ARID5B: variants seen among roughly 807,000 people sequenced by gnomAD.
ARID5B encodes AT-rich interaction domain 5B.
ARID5B carries 13 observed loss-of-function variants against 97.2 expected under a neutral mutation model. The observed-to-expected ratio is 0.13, with a 90% CI of 0.09 to 0.21. The LOEUF (loss-of-function observed/expected upper bound fraction) is 0.21, where lower values mean the gene tolerates loss of function less well. Ranked by LOEUF, ARID5B falls within the 10% of genes least tolerant of loss-of-function variation. The pLI is 1.00. For synonymous variants in ARID5B, 556 were observed against 570.3 expected, an observed-to-expected ratio of 0.97 and a Z score of 0.36; for missense variants, 1,210 against 1,465.3, an observed-to-expected ratio of 0.83 and a Z score of 2.84.
intron 8 of ARID5B, among the ~76,000 whole-genome samples, chr10:62,073,887 T>G (rs1840096057): frequency 6.6e-6 from 1 of 152,212 alleles, no homozygotes; most frequent in South Asian, 2.1e-4. Context: ...AGTGGAACAT[T>G]TTCTTTCTTG....
chr10:61,923,681 T>A (rs771041369), intron 2 of ARID5B, among the ~76,000 whole-genome samples: 3 of 152,202 alleles, frequency 2.0e-5, no homozygotes, highest in Non-Finnish European at 4.4e-5. Flanking sequence ...TCAGAATAGA[T>A]GCTTGCAACA....
At chr10:62,049,677 C>G (rs1485176641) in intron 4 of ARID5B, among the ~76,000 whole-genome samples, 1 of 152,070 alleles carries the variant, frequency 6.6e-6, no homozygotes, top group Admixed American at 6.5e-5. Flanking sequence ...AAAGGCAGTT[C>G]TGCTTTACTG....
At chr10:61,906,353 A>G (rs1413891717) in intron 2 of ARID5B, among the ~76,000 whole-genome samples, 1 of 152,238 alleles carries the variant, frequency 6.6e-6, no homozygotes, top group East Asian at 1.9e-4. Context: ...GAATTGCCAC[A>G]TTCAGCCACT....
Position 61,940,271 on chromosome 10 carries a change from G to T in ARID5B, c.365G>T (p.Cys122Phe). Reference sequence around the variant, plus strand: ...CATTCTGATTTCTCCAAGTGGAGATGTGGCTTCCACGCTGGACCAGTGAAA... The same window carrying T: ...CATTCTGATTTCTCCAAGTGGAGATTTGGCTTCCACGCTGGACCAGTGAAA... ...WVHSDFSKWR[C>F]GFHAGPVKTE... Residue 122 changes from cysteine to phenylalanine, a missense_variant, in exon 3 of 10, where the codon TGT (cysteine) becomes TTT (phenylalanine). Physicochemically the swap from Cys to Phe is radical, Grantham distance 205. Transcript: ENST00000279873. 6.2e-7 allele frequency: 1 copy of T among 1,614,220 alleles called. No individual in the cohort carries two copies. The highest frequency in any genetic ancestry group is 8.5e-7 in the Non-Finnish European group (1 of 1,180,020).
At position 62,091,354 on chromosome 10, in the gene ARID5B, G is replaced by A; in HGVS notation, c.1891G>A (p.Asp631Asn). The A allele has an allele frequency of 2.5e-6, 4 of 1,614,156 alleles. No individual in the cohort carries two copies. The highest frequency in any genetic ancestry group is 3.4e-6 in the Non-Finnish European group (4 of 1,180,040). ...CATTGCCAACTGCACCGTGAAGGTG[G>A]ACCAGCTGGGCAGTGACGACATCCA... ...DYIANCTVKV[D>N]QLGSDDIHNA... The change falls in exon 10 of 10, where the codon GAC becomes AAC. Residue 631 changes from aspartate to asparagine, a missense_variant. This residue lies in a region of ARID5B where 800 missense variants were observed against 839.1 expected (regional missense o/e 0.95). Transcript: ENST00000279873.
At chr10:62,038,374 A>T (rs1446356494) in intron 4 of ARID5B, among the ~76,000 whole-genome samples, 40 of 151,774 alleles carry the variant, frequency 2.6e-4, no homozygotes, top group Non-Finnish European at 1.8e-4. Flanking sequence ...CTTATTTAAA[A>T]AAAAAAAAAG....
At chr10:61,949,644 C>T (rs1229168084) in intron 3 of ARID5B, among the ~76,000 whole-genome samples, 1 of 151,954 alleles carries the variant, frequency 6.6e-6, no homozygotes, top group East Asian at 1.9e-4. Flanking sequence ...TCCACACCAC[C>T]CCCCCACGCC....
At chr10:62,021,654 G>A (rs1232622806) in intron 4 of ARID5B, among the ~76,000 whole-genome samples, 2 of 152,198 alleles carry the variant, frequency 1.3e-5, no homozygotes, top group Non-Finnish European at 2.9e-5. Context: ...CCTTTCTGGG[G>A]TGTAATGTGG....
At chr10:61,928,981 G>A (rs759896733) in intron 2 of ARID5B, among the ~76,000 whole-genome samples, 2 of 152,122 alleles carry the variant, frequency 1.3e-5, no homozygotes, top group African/African-American at 2.4e-5. Context: ...CCCAGGCTTC[G>A]AGGTGGTACA....
At chr10:62,074,233 T>C (rs533532276) in intron 8 of ARID5B, among the ~76,000 whole-genome samples, 3 of 152,248 alleles carry the variant, frequency 2.0e-5, no homozygotes, top group South Asian at 4.1e-4. Context: ...CATTTTTGAG[T>C]ATTTAGAAAA....
At chr10:62,048,285 A>C (rs897230413) in intron 4 of ARID5B, among the ~76,000 whole-genome samples, 1 of 152,232 alleles carries the variant, frequency 6.6e-6, no homozygotes, top group African/African-American at 2.4e-5. Context: ...TGGGCAGATA[A>C]AAGACACATC....
chr10:62,070,652 C>T (rs915484596), intron 8 of ARID5B, among the ~76,000 whole-genome samples: 7 of 152,012 alleles, frequency 4.6e-5, no homozygotes, highest in South Asian at 2.1e-4. Flanking sequence ...TTAGTATGGC[C>T]GTTCAACAAG....
Position 62,095,049 on chromosome 10 carries a change from C to A in ARID5B, c.*2019C>A, listed in dbSNP as rs1840447728. 4.4e-6 allele frequency: 1 copy of A among 229,440 alleles called. No homozygotes were observed. The highest frequency in any genetic ancestry group is 8.6e-6 in the Non-Finnish European group (1 of 115,648). 14.2% of individuals were successfully genotyped at this position (229,440 alleles called of 1,614,324 possible). ...GGTGGAAACAAAAGAATGTAGAGAT[C>A]CAGTGTTAAGAGTTCCATTTGCTTC... On this transcript the variant is annotated 3_prime_UTR_variant, in exon 10 of 10. Coordinates refer to ENST00000279873, the MANE Select transcript of ARID5B (RefSeq NM_032199.3).
intron 2 of ARID5B, among the ~76,000 whole-genome samples, chr10:61,925,184 G>A (rs761741687): frequency 5.9e-5 from 9 of 151,988 alleles, no homozygotes; most frequent in Non-Finnish European, 1.0e-4. Context: ...TAGCCTGGGC[G>A]ACAGAGACTC....
intron 4 of ARID5B, among the ~76,000 whole-genome samples, chr10:62,035,040 G>T (rs1255182468): frequency 2.0e-5 from 3 of 152,178 alleles, no homozygotes; most frequent in African/African-American, 7.2e-5. Flanking sequence ...AGACAAGGTG[G>T]GTTTCTGTTA....
intron 8 of ARID5B, among the ~76,000 whole-genome samples, chr10:62,077,195 T>C (rs946827999): frequency 1.3e-5 from 2 of 152,218 alleles, no homozygotes; most frequent in African/African-American, 4.8e-5. Context: ...TCAGGTAATT[T>C]CATACACAAG....
chr10:61,928,397 C>A (rs1222830184), intron 2 of ARID5B, among the ~76,000 whole-genome samples: 1 of 152,174 alleles, frequency 6.6e-6, no homozygotes, highest in East Asian at 1.9e-4. Context: ...ACTTCCTGGG[C>A]TCAGGTGATC....
Position 62,090,973 on chromosome 10 carries a change from T to G in ARID5B, c.1510T>G (p.Ser504Ala). ...AAAAATAGAAGGGTATCAGGAATTT[T>G]CAGCGAAGCCCCTGGCATCCAGAGT... ...KKKIEGYQEF[S>A]AKPLASRVDP... Residue 504 changes from serine (S) to alanine (A), a missense_variant, in exon 10 of 10, where the codon TCA becomes GCA. This residue lies in a region of ARID5B where 800 missense variants were observed against 839.1 expected (regional missense o/e 0.95). Transcript: ENST00000279873. 1 of 1,614,180 alleles carries G rather than the reference T, an allele frequency of 6.2e-7. No individual in the cohort carries two copies. Among genetic ancestry groups the G allele is most frequent in the South Asian group, 1.1e-5 (1 of 91,076 alleles).
At chr10:61,985,822 C>T (rs1416008617) in intron 3 of ARID5B, among the ~76,000 whole-genome samples, 2 of 152,012 alleles carry the variant, frequency 1.3e-5, no homozygotes, top group Non-Finnish European at 2.9e-5. Context: ...ATTGTCTTCA[C>T]TTAGGCTGAA....
Sources: gnomAD v4.1 joint callset for allele counts (sites outside exome capture counted in the v4.1 genomes callset) on GRCh38, gnomAD v4.1.1 for gene constraint, gnomAD v4.1.1 regional missense constraint, MANE v1.5 for transcripts, NCBI Gene and HGNC (gene_info 2026-07-23, HGNC 2026-07-21) for gene names.